SLC12A4: variants seen among roughly 807,000 people sequenced by gnomAD.
The protein encoded by SLC12A4 is electroneutral potassium-chloride cotransporter 1.
Under a neutral mutation model 119.2 loss-of-function variants are expected in SLC12A4, and 84 were observed. That is an observed-to-expected ratio of 0.70 (90% CI 0.59 to 0.85). SLC12A4 has a LOEUF of 0.85. SLC12A4 is among the 40% of genes least tolerant of loss of function. The pLI, the probability that SLC12A4 is intolerant of heterozygous loss-of-function variation, is 0.00. For synonymous variants in SLC12A4, 599 were observed against 604.6 expected (o/e 0.99, Z 0.14); for missense variants, 1,298 against 1,476.3 (o/e 0.88, Z 1.98).
intron 1 of SLC12A4, 94 bp from the exon 2 acceptor site, chr16:67,963,653 G>C (rs2030703670): frequency 1.0e-6 from 1 of 971,744 alleles, no homozygotes; most frequent in South Asian, 1.7e-5. Context: ...TTTCTGTGGA[G>C]CACTTTGGAG....
Position 67,952,050 on chromosome 16 carries a change from G to A in SLC12A4, c.918-13C>T. On this transcript the variant is annotated splice_polypyrimidine_tract_variant and intron_variant, in intron 7 of 23. Coordinates refer to ENST00000316341, the MANE Select transcript of SLC12A4 (RefSeq NM_005072.5). Reference sequence around the variant, plus strand: ...CAGCATGCATACCCTGTGAGGGACAGAAGCACCGGCACCTGCTCAGGTCAA... The same window carrying A: ...CAGCATGCATACCCTGTGAGGGACAAAAGCACCGGCACCTGCTCAGGTCAA... 1 of 1,612,418 alleles carries A rather than the reference G, an allele frequency of 6.2e-7. No homozygotes were observed.
intron 1 of SLC12A4, among the ~76,000 whole-genome samples, chr16:67,968,167 T>C (rs902956042): frequency 1.3e-5 from 2 of 151,856 alleles, no homozygotes; most frequent in African/African-American, 2.4e-5. Flanking sequence ...CTGGCCTCCC[T>C]GGGCGGCCAC....
intron 3 of SLC12A4, 75 bp from the exon 4 acceptor site, chr16:67,958,119 A>T: frequency 1.3e-6 from 2 of 1,524,200 alleles, no homozygotes; most frequent in Non-Finnish European, 1.8e-6. Flanking sequence ...CTAGTCACTC[A>T]GCAGGCCCCC....
intron 6 of SLC12A4, 69 bp downstream of exon 6, chr16:67,954,574 C>A (rs1349526137): frequency 1.9e-6 from 3 of 1,590,026 alleles, no homozygotes; most frequent in African/African-American, 1.3e-5. Context: ...ACAGCCTGAG[C>A]CTTCTGTTTG....
chr16:67,964,063 A>C (rs956683549), intron 1 of SLC12A4: 2 of 1,547,714 alleles, frequency 1.3e-6, no homozygotes, highest in South Asian at 2.4e-5. Flanking sequence ...CCCACCATGC[A>C]CTGCGCGGGG....
At chr16:67,947,928 G>C in intron 14 of SLC12A4, 133 bp downstream of exon 14, 1 of 1,468,584 alleles carries the variant, frequency 6.8e-7, no homozygotes, top group South Asian at 1.2e-5. Context: ...TAAGACCTAG[G>C]TCCAGTCCCC....
chr16:67,963,555 A>G lies in SLC12A4; in HGVS notation c.120T>C (p.His40=). 2 of 1,571,208 alleles carry G rather than the reference A, an allele frequency of 1.3e-6. No homozygotes were observed. The highest frequency in any genetic ancestry group is 1.7e-4 in the Middle Eastern group (1 of 5,770). Residue 40 remains histidine, a synonymous_variant, in exon 2 of 24, where the codon CAT becomes CAC. Coordinates refer to ENST00000316341, the MANE Select transcript of SLC12A4 (RefSeq NM_005072.5). ...ERAELDDSDG[H]GNHRESSPFL... ...AAGGGCTGCTCTCTCTGTGGTTGCCATGTCCTGTGAAGAGAGAGGGACAAT... is the reference window on the plus strand; with the variant it reads ...AAGGGCTGCTCTCTCTGTGGTTGCCGTGTCCTGTGAAGAGAGAGGGACAAT...
Position 67,947,074 on chromosome 16 carries a change from C to CG in SLC12A4, c.2103dup (p.Glu702ArgfsTer55). 6.2e-7 allele frequency: 1 copy of CG among 1,606,816 alleles called. No homozygotes were observed. The highest frequency in any genetic ancestry group is 8.5e-7 in the Non-Finnish European group (1 of 1,178,174). On this transcript the variant is annotated frameshift_variant, in exon 17 of 24. Transcript: ENST00000316341. LOFTEE classifies it high-confidence loss of function. ...CGCGGGTACTTCACGTGGAGGTCCT[C>CG]GTCCAGCTTCAGCAGCACCAGCAGC...
At position 67,956,821 on chromosome 16, in the gene SLC12A4, A is replaced by AAC. The variant is rs903184799; in HGVS notation, c.544+919_544+920dup. 5.1e-3 allele frequency among the ~76,000 whole-genome samples: 711 copies of AAC among 139,824 alleles called. 5 individuals carry two copies. Among genetic ancestry groups the AAC allele is most frequent in the African/African-American group, 0.011 (351 of 33,168 alleles). The allele number at this position is 139,824 out of a possible 152,430, so 91.7% of individuals were successfully genotyped here. On this transcript the variant is annotated intron_variant, in intron 5 of 23. Coordinates refer to ENST00000316341, the MANE Select transcript of SLC12A4 (RefSeq NM_005072.5). The stretch of plus-strand genomic sequence containing the variant: ...CATATACTTTTGGGAAATACACACA[A>AAC]ACACACACACACATATATATATATA...
In SLC12A4 at chr16:67,944,835, T is replaced by C. The variant is rs927051517; in HGVS notation, c.*5A>G. The C allele has an allele frequency of 5.0e-6, 8 of 1,612,688 alleles. No homozygotes were observed. In the Admixed American group the frequency reaches 5.0e-5, roughly 10 times the overall value. On this transcript the variant is annotated 3_prime_UTR_variant, in exon 24 of 24. Transcript: ENST00000316341. The surrounding 1 kb of genome is among the most constrained non-coding windows in gnomAD (Gnocchi z 6.6). The stretch of plus-strand genomic sequence containing the variant: ...TCGACTCCAGGCCACAAGATGACAC[T>C]GGGCTCAGGAGTAGATGGTGATGAC...
chr16:67,957,246 C>T (rs1198457180), intron 5 of SLC12A4, among the ~76,000 whole-genome samples: 1 of 151,562 alleles, frequency 6.6e-6, no homozygotes, highest in Non-Finnish European at 1.5e-5. Flanking sequence ...CTCGGCTCAC[C>T]GCAAGCTCTG....
In SLC12A4 at chr16:67,947,091, AC is replaced by A; in HGVS notation, c.2086del (p.Val696CysfsTer3). On this transcript the variant is annotated frameshift_variant, in exon 17 of 24. Coordinates refer to ENST00000316341, the MANE Select transcript of SLC12A4 (RefSeq NM_005072.5). LOFTEE classifies it high-confidence loss of function. ...HTKNWRPQLL[V>X]LLKLDEDLHV... is the part of the protein sequence containing the mutation. ...GAGGTCCTCGTCCAGCTTCAGCAGC[AC>A]CAGCAGCTGCGGCCTGCAGTGGCCG... 7 of 1,599,268 alleles carry A rather than the reference AC, an allele frequency of 4.4e-6. No homozygotes were observed. Among genetic ancestry groups the A allele is most frequent in the Non-Finnish European group, 6.0e-6 (7 of 1,175,104 alleles).
rs774532159 is a variant in SLC12A4, at chr16:67,946,092, G to A, written c.2608-10C>T. ...GGCACTTCCTCCAGACCTGAGGCAAGGGACCAGGTGGGCGGTTTGGTCACA... is the reference window on the plus strand; with the variant it reads ...GGCACTTCCTCCAGACCTGAGGCAAAGGACCAGGTGGGCGGTTTGGTCACA... On this transcript the variant is annotated splice_polypyrimidine_tract_variant and intron_variant, in intron 19 of 23. Transcript: ENST00000316341. 1 of 1,613,268 alleles carries A rather than the reference G, an allele frequency of 6.2e-7. No individual in the cohort carries two copies. Among genetic ancestry groups the A allele is most frequent in the Admixed American group, 1.7e-5 (1 of 60,016 alleles).
At position 67,948,069 on chromosome 16, in the gene SLC12A4, G is replaced by C; in HGVS notation, c.1839C>G (p.Tyr613Ter). The C allele has an allele frequency of 6.2e-7, 1 of 1,613,066 alleles. No individual in the cohort carries two copies. Among genetic ancestry groups the C allele is most frequent in the South Asian group, 1.1e-5 (1 of 91,090 alleles). ...RTPNWRPRFK[Y>*]YHWALSFLGM... ...TCAGAGGCATGGCTCACCAGTGATA[G>C]TACTTGAACCGGGGCCGCCAGTTGG... is the stretch of plus-strand genomic sequence containing the variant. The change falls in exon 14 of 24, where the codon TAC becomes TAG. Residue 613 changes from tyrosine to a stop codon, truncating the protein, a stop_gained. Coordinates refer to ENST00000316341, the MANE Select transcript of SLC12A4 (RefSeq NM_005072.5). LOFTEE classifies it high-confidence loss of function.
At chr16:67,945,701 G>A (rs755302140) in intron 21 of SLC12A4, 63 bp downstream of exon 21, 51 of 1,535,774 alleles carry the variant, frequency 3.3e-5, no homozygotes, top group East Asian at 2.3e-4. Context: ...CGCACCCACC[G>A]ATGCGGTCTC....
chr16:67,963,527 G>A lies in SLC12A4; in HGVS notation c.148C>T (p.Leu50Phe), dbSNP rs2030695514. 2.5e-6 allele frequency: 4 copies of A among 1,586,690 alleles called. No homozygotes were observed. The highest frequency in any genetic ancestry group is 3.4e-6 in the Non-Finnish European group (4 of 1,171,816). Residue 50 changes from leucine (L) to phenylalanine (F), a missense_variant, in exon 2 of 24, where the codon CTT (leucine) becomes TTT (phenylalanine). Coordinates refer to ENST00000316341, the MANE Select transcript of SLC12A4 (RefSeq NM_005072.5). ...CCTCTGGAAGCCTCCAAGGGGGAAAGAAAAGGGCTGCTCTCTCTGTGGTTG... is the reference window on the plus strand; with the variant it reads ...CCTCTGGAAGCCTCCAAGGGGGAAAAAAAAGGGCTGCTCTCTCTGTGGTTG... Reference protein sequence around the residue: ...HGNHRESSPFLSPLEASRGID... With the variant: ...HGNHRESSPFFSPLEASRGID...
At chr16:67,954,272 C>T (rs1803889358) in intron 6 of SLC12A4, 4 of 328,920 alleles carry the variant, frequency 1.2e-5, no homozygotes, top group South Asian at 5.0e-5. Flanking sequence ...CACAGAGCCC[C>T]GGAGGACACA....
At position 67,958,019 on chromosome 16, in the gene SLC12A4, C is replaced by T. The variant is rs749383644; in HGVS notation, c.368G>A (p.Gly123Glu). 5 of 1,614,010 alleles carry T rather than the reference C, an allele frequency of 3.1e-6. No individual in the cohort carries two copies. The Admixed American group carries it at 6.7e-5, about 22-fold the overall frequency. The change falls in exon 4 of 24, where the codon GGG becomes GAG. Residue 123 changes from glycine to glutamate, a missense_variant. Transcript: ENST00000316341. ...ATTCTGCAGGCAGGGCAGGTACACC[C>T]CCATGAGGGTGCCCATGCTGGGTGC... ...AEAPSMGTLM[G>E]VYLPCLQNIF...
At chr16:67,959,297 C>T (rs545763361) in intron 3 of SLC12A4, among the ~76,000 whole-genome samples, 24 of 152,326 alleles carry the variant, frequency 1.6e-4, no homozygotes, top group African/African-American at 5.5e-4. Context: ...GCCCTGACAG[C>T]TTCCACTGGA....
Sources: gnomAD v4.1 joint callset for allele counts (sites outside exome capture counted in the v4.1 genomes callset) on GRCh38, gnomAD v4.1.1 for gene constraint, Gnocchi (gnomAD v3.1) non-coding constraint, MANE v1.5 for transcripts, NCBI Gene and HGNC (gene_info 2026-07-23, HGNC 2026-07-21) for gene names.